Variants in C9orf50 observed in about 807,000 individuals in gnomAD.
C9orf50 encodes the protein chromosome 9 open reading frame 50.
Under a neutral mutation model 42.5 loss-of-function variants are expected in C9orf50, and 33 were observed. The ratio of observed to expected loss-of-function variants is 0.78; its 90% CI spans 0.59 to 1.04. C9orf50 has a LOEUF of 1.04. Among genes scored for constraint, C9orf50 ranks in the 50% least tolerant of loss-of-function variants. The pLI, the probability that C9orf50 is intolerant of heterozygous loss-of-function variation, is 0.00. For missense variants in C9orf50, 547 were observed against 594.3 expected, an observed-to-expected ratio of 0.92 and a Z score of 0.83; for synonymous variants, 257 against 273.4, an observed-to-expected ratio of 0.94 and a Z score of 0.59.
rs748540508 is a variant in C9orf50, at chr9:129,613,174, T to C, written c.1121A>G (p.Lys374Arg). ...GCTTCGCGGCCTCTGAGCAGCGGCC[T>C]TCTTCCATGAACAGAAGGGCAGGCT... The change falls in exon 6 of 7, where the codon AAG (lysine) becomes AGG (arginine). Residue 374 changes from lysine (K) to arginine (R), a missense_variant. By Grantham distance (26) the Lys-to-Arg change is conservative. Transcript: ENST00000372478. The surrounding 1 kb of genome is among the most constrained non-coding windows in gnomAD (Gnocchi z 6.2). The C allele has an allele frequency of 6.2e-7, 1 of 1,613,722 alleles. No homozygotes were observed. The highest frequency in any genetic ancestry group is 1.1e-5 in the South Asian group (1 of 91,076).
intron 3 of C9orf50, among the ~76,000 whole-genome samples, chr9:129,619,104 G>A (rs1220562087): frequency 3.3e-5 from 5 of 152,160 alleles, no homozygotes; most frequent in Admixed American, 3.3e-4. Flanking sequence ...GGGTGGGTGG[G>A]TGAGTGAATG....
Position 129,613,748 on chromosome 9 carries a change from G to A in C9orf50, c.881-151C>T, listed in dbSNP as rs1242755984. ...CCAGCGCCTTCTGGCTGCCTCCAGA[G>A]AAGCCTTGGGTTTTAAAACCACCTT... On this transcript the variant is annotated intron_variant, in intron 4 of 6. Transcript: ENST00000372478. This position sits in a 1 kb window ranked among gnomAD's most constrained non-coding sequence, Gnocchi z 6.2. 3.1e-6 allele frequency: 3 copies of A among 966,894 alleles called. No homozygotes were observed. The highest frequency in any genetic ancestry group is 3.0e-6 in the Non-Finnish European group (2 of 660,042). The allele number at this position is 966,894 out of a possible 1,614,324, so 59.9% of individuals were successfully genotyped here.
chr9:129,613,746 G>A lies in C9orf50; in HGVS notation c.881-149C>T, dbSNP rs964756778. On this transcript the variant is annotated intron_variant, in intron 4 of 6. Coordinates refer to ENST00000372478, the Ensembl canonical transcript of C9orf50. This position sits in a 1 kb window ranked among gnomAD's most constrained non-coding sequence, Gnocchi z 6.2. ...CCCCAGCGCCTTCTGGCTGCCTCCA[G>A]AGAAGCCTTGGGTTTTAAAACCACC... The A allele has an allele frequency of 1.7e-5, 17 of 985,622 alleles. No homozygotes were observed. In the African/African-American group the frequency reaches 2.3e-4, roughly 13 times the overall value. 61.1% of individuals were successfully genotyped at this position (985,622 alleles called of 1,614,324 possible).
chr9:129,621,516 T>C (rs1303510644), upstream of C9orf50, among the ~76,000 whole-genome samples: 5 of 152,170 alleles, frequency 3.3e-5, no homozygotes, highest in South Asian at 2.1e-4. Context: ...ACCACCACAG[T>C]TGGCTAATTT....
At chr9:129,618,093 T>C (rs1316173319) in intron 3 of C9orf50, among the ~76,000 whole-genome samples, 4 of 152,194 alleles carry the variant, frequency 2.6e-5, no homozygotes, top group African/African-American at 9.6e-5. Flanking sequence ...ATTAGTTTTG[T>C]CTGCTGTGGG....
At chr9:129,619,392 T>C in intron 3 of C9orf50, 128 bp downstream of exon 3, 1 of 713,758 alleles carries the variant, frequency 1.4e-6, no homozygotes. Context: ...CGGACAGCCA[T>C]ATGTAAGGAT....
chr9:129,615,676 G>A (rs373762722), intron 3 of C9orf50, 29 bp from the exon 4 acceptor site: 44 of 1,502,448 alleles, frequency 2.9e-5, no homozygotes, highest in Non-Finnish European at 3.4e-5. Flanking sequence ...GCCTGTGCTC[G>A]AAGCCCCCCA....
intron 6 of C9orf50, 67 bp from the exon 7 acceptor site, chr9:129,612,521 G>A: frequency 1.6e-6 from 2 of 1,267,488 alleles, no homozygotes; most frequent in South Asian, 1.3e-5. Flanking sequence ...GGCTCCCAGT[G>A]GGATTCTGTG....
At chr9:129,615,288 G>A (rs984863384) in intron 4 of C9orf50, among the ~76,000 whole-genome samples, 196 bp downstream of exon 4, 3 of 152,196 alleles carry the variant, frequency 2.0e-5, no homozygotes, top group African/African-American at 7.2e-5. Flanking sequence ...ACTGGACTCT[G>A]GACCCTCTAC....
rs570920263 is a variant in C9orf50 at position 129,613,154 on chromosome 9, G to C, written c.1141C>G (p.Arg381Gly). ...TCCAAGAAGGCTCGGAGGCTGCTTC[G>C]CGGCCTCTGAGCAGCGGCCTTCTTC... Residue 381 changes from arginine to glycine, a missense_variant, in exon 6 of 7, where the codon CGA (arginine) becomes GGA (glycine). Arg to Gly is a moderately radical substitution (Grantham distance 125). Around this residue, in one of 3 missense-constraint regions of C9orf50, gnomAD observed 334 missense variants for 323.7 expected, o/e 1.03. Transcript: ENST00000372478. This position sits in a 1 kb window ranked among gnomAD's most constrained non-coding sequence, Gnocchi z 6.2. 6.2e-7 allele frequency: 1 copy of C among 1,613,812 alleles called. No homozygotes were observed. Among genetic ancestry groups the C allele is most frequent in the South Asian group, 1.1e-5 (1 of 91,080 alleles).
In C9orf50 at chr9:129,613,533, C is replaced by T; in HGVS notation, c.945G>A (p.Gly315=). 6.2e-7 allele frequency: 1 copy of T among 1,614,200 alleles called. No homozygotes were observed. Among genetic ancestry groups the T allele is most frequent in the Non-Finnish European group, 8.5e-7 (1 of 1,180,032 alleles). Reference sequence around the variant, plus strand: ...AACTCTCCAGCCGTTTTCCGACACTCCCAAACACCCGCTCGGACGCCACTG... The same window carrying T: ...AACTCTCCAGCCGTTTTCCGACACTTCCAAACACCCGCTCGGACGCCACTG... The change falls in exon 5 of 7, where the codon GGG becomes GGA. Residue 315 remains glycine, a synonymous_variant. Transcript: ENST00000372478. The surrounding 1 kb of genome is among the most constrained non-coding windows in gnomAD (Gnocchi z 6.2).
At chr9:129,619,974 C>T (rs7467760) in intron 1 of C9orf50, 93 bp downstream of exon 1, 835,019 of 1,471,478 alleles carry the variant, frequency 0.57, 241,665 homozygotes, top group Non-Finnish European at 0.6. Flanking sequence ...ATCCTTCTAG[C>T]CTGGGTGGTG....
chr9:129,619,670 G>A lies in C9orf50; in HGVS notation c.600-34C>T, dbSNP rs1307663962. The A allele has an allele frequency of 1.9e-6, 3 of 1,610,614 alleles. No individual in the cohort carries two copies. In the South Asian group the frequency reaches 3.3e-5, roughly 18 times the overall value. The stretch of plus-strand genomic sequence containing the variant: ...CAAACAGGCCACATCTGGCATGAGT[G>A]GCCAGGCTGTCCCGCCCTGGAAACA... On this transcript the variant is annotated intron_variant, in intron 2 of 6. Coordinates refer to ENST00000372478, the Ensembl canonical transcript of C9orf50.
rs1362576463 is a variant in C9orf50, at chr9:129,613,304, C to T, written c.1044-53G>A. 1.0e-5 allele frequency: 16 copies of T among 1,567,194 alleles called. No homozygotes were observed. The highest frequency in any genetic ancestry group is 1.4e-5 in the Non-Finnish European group (16 of 1,155,402). ...CCTGGACTCTGAGTCCCCGGCCCAC[C>T]CATGGCTGGCAGGGCCCTTGAGGAC... On this transcript the variant is annotated intron_variant, in intron 5 of 6. Coordinates refer to ENST00000372478, the Ensembl canonical transcript of C9orf50. The surrounding 1 kb of genome is among the most constrained non-coding windows in gnomAD (Gnocchi z 6.2).
rs143230441 is a variant in C9orf50 at position 129,613,181 on chromosome 9, A to G, written c.1114T>C (p.Trp372Arg). The G allele has an allele frequency of 3.6e-4, 573 of 1,613,668 alleles. No individual in the cohort carries two copies. Among genetic ancestry groups the G allele is most frequent in the Non-Finnish European group, 4.6e-4 (541 of 1,179,992 alleles). ...GGCCTCTGAGCAGCGGCCTTCTTCC[A>G]TGAACAGAAGGGCAGGCTGCTGTTC... The change falls in exon 6 of 7, where the codon TGG becomes CGG. Residue 372 changes from tryptophan to arginine, a missense_variant. Transcript: ENST00000372478. The surrounding 1 kb of genome is among the most constrained non-coding windows in gnomAD (Gnocchi z 6.2).
Position 129,613,181 on chromosome 9 carries a change from A to T in C9orf50, c.1114T>A (p.Trp372Arg), listed in dbSNP as rs143230441. 1 of 1,613,550 alleles carries T rather than the reference A, an allele frequency of 6.2e-7. No homozygotes were observed. Among genetic ancestry groups the T allele is most frequent in the Non-Finnish European group, 8.5e-7 (1 of 1,180,000 alleles). Residue 372 changes from tryptophan (W) to arginine (R), a missense_variant, in exon 6 of 7, where the codon TGG (tryptophan) becomes AGG (arginine). Transcript: ENST00000372478. The surrounding 1 kb of genome is among the most constrained non-coding windows in gnomAD (Gnocchi z 6.2). ...GGCCTCTGAGCAGCGGCCTTCTTCC[A>T]TGAACAGAAGGGCAGGCTGCTGTTC...
chr9:129,620,425 C>A lies in C9orf50; in HGVS notation c.150G>T (p.Gly50=). ...CGCCGCCCCCCGGGATCCTCCAGTCCCCGGAGCCCCGCGCGCCCAGAGCCG... is the reference window on the plus strand; with the variant it reads ...CGCCGCCCCCCGGGATCCTCCAGTCACCGGAGCCCCGCGCGCCCAGAGCCG... The change falls in exon 1 of 7, where the codon GGG becomes GGT. Residue 50 remains glycine, a synonymous_variant. Transcript: ENST00000372478. The surrounding 1 kb of genome is among the most constrained non-coding windows in gnomAD (Gnocchi z 5.8). 10 of 1,259,626 alleles carry A rather than the reference C, an allele frequency of 7.9e-6. No homozygotes were observed. Among genetic ancestry groups the A allele is most frequent in the Non-Finnish European group, 1.0e-5 (10 of 1,002,494 alleles). 78.0% of individuals were successfully genotyped at this position (1,259,626 alleles called of 1,614,324 possible). A position where few individuals can be genotyped will look rare whatever the true frequency, so the allele number is the denominator to read the frequency against.
rs1396334109 is a variant in C9orf50 at position 129,614,412 on chromosome 9, C to T, written c.881-815G>A. On this transcript the variant is annotated intron_variant, in intron 4 of 6. Coordinates refer to ENST00000372478, the Ensembl canonical transcript of C9orf50. The surrounding 1 kb of genome is among the most constrained non-coding windows in gnomAD (Gnocchi z 4.4). Reference sequence around the variant, plus strand: ...TGCAGGGCATCGCCCACAGCTAGACCTTGAGGCAGACATTTCCTGAAACTG... The same window carrying T: ...TGCAGGGCATCGCCCACAGCTAGACTTTGAGGCAGACATTTCCTGAAACTG... Among the ~76,000 whole-genome samples the T allele has an allele frequency of 6.6e-6, 1 of 152,202 alleles. No homozygotes were observed. Among genetic ancestry groups the T allele is most frequent in the Non-Finnish European group, 1.5e-5 (1 of 68,042 alleles).
Position 129,620,003 on chromosome 9 carries a change from C to T in C9orf50, c.508+64G>A. On this transcript the variant is annotated intron_variant, in intron 1 of 6. Transcript: ENST00000372478. This position sits in a 1 kb window ranked among gnomAD's most constrained non-coding sequence, Gnocchi z 5.8. ...GGTGGTGGGGTGGTGGGTGCGGGGACACAAGGGACCACCCCCCACCGGAAA... is the reference window on the plus strand; with the variant it reads ...GGTGGTGGGGTGGTGGGTGCGGGGATACAAGGGACCACCCCCCACCGGAAA... 1 of 1,469,560 alleles carries T rather than the reference C, an allele frequency of 6.8e-7. No homozygotes were observed. Among genetic ancestry groups the T allele is most frequent in the Non-Finnish European group, 9.1e-7 (1 of 1,100,792 alleles). 91.0% of individuals were successfully genotyped at this position (1,469,560 alleles called of 1,614,324 possible). A position where few individuals can be genotyped will look rare whatever the true frequency, so the allele number is the denominator to read the frequency against.
Sources: allele counts gnomAD v4.1 joint callset (sites outside exome capture counted in the v4.1 genomes callset), GRCh38; gene constraint gnomAD v4.1.1; regional missense constraint gnomAD v4.1.1; non-coding constraint Gnocchi (gnomAD v3.1); transcripts MANE v1.5; gene names NCBI Gene and HGNC (gene_info 2026-07-23, HGNC 2026-07-21).